Variants in XRCC4 observed in about 807,000 individuals in gnomAD.
The protein encoded by XRCC4 is DNA repair protein XRCC4.
XRCC4 carries 28 observed loss-of-function variants against 39.1 expected under a neutral mutation model. That is an observed-to-expected ratio of 0.72 (90% CI 0.53 to 0.98). The LOEUF is 0.98. Among genes scored for constraint, XRCC4 ranks in the 50% least tolerant of loss-of-function variants. The pLI is 0.00. For synonymous variants in XRCC4, 123 were observed against 126.4 expected (o/e 0.97, Z 0.18); for missense variants, 350 against 376.4 (o/e 0.93, Z 0.58).
intron 7 of XRCC4, among the ~76,000 whole-genome samples, chr5:83,266,735 CTT>C (rs1212393830): frequency 1.3e-5 from 2 of 152,018 alleles, no homozygotes; most frequent in South Asian, 2.1e-4. Context: ...ATTTCTAAAA[CTT>C]ATTTCTCTAG....
At chr5:83,149,433 A>G (rs1470980588) in intron 3 of XRCC4, among the ~76,000 whole-genome samples, 5 of 151,826 alleles carry the variant, frequency 3.3e-5, no homozygotes, top group Admixed American at 3.3e-4. Flanking sequence ...GTAATATGCT[A>G]TACTTTAATA....
At chr5:83,276,968 C>T (rs1353734021) in intron 7 of XRCC4, among the ~76,000 whole-genome samples, 6 of 151,952 alleles carry the variant, frequency 3.9e-5, no homozygotes, top group African/African-American at 1.5e-4. Context: ...GGATGTAACC[C>T]ATCATAAGTG....
chr5:83,244,707 G>T (rs1475460050), intron 6 of XRCC4, among the ~76,000 whole-genome samples: 1 of 152,048 alleles, frequency 6.6e-6, no homozygotes, highest in East Asian at 1.9e-4. Context: ...GTCTGCCTGG[G>T]CTCCACCTAC....
At chr5:83,159,558 G>A (rs1007992889) in intron 3 of XRCC4, among the ~76,000 whole-genome samples, 11 of 152,134 alleles carry the variant, frequency 7.2e-5, no homozygotes, top group African/African-American at 2.4e-4. Context: ...TTGTTCTGAT[G>A]ATAGGTGAAA....
At chr5:83,092,052 C>T (rs1745452972) in intron 1 of XRCC4, among the ~76,000 whole-genome samples, 1 of 152,048 alleles carries the variant, frequency 6.6e-6, no homozygotes, top group South Asian at 2.1e-4. Flanking sequence ...TGGCCATTCT[C>T]ACAGATAGGA....
chr5:83,263,952 T>A (rs111501733), intron 7 of XRCC4, among the ~76,000 whole-genome samples: 8,581 of 151,884 alleles, frequency 0.056, 737 homozygotes, highest in African/African-American at 0.19. Context: ...ATGCCTAGGT[T>A]TTCTTCTAGG....
intron 7 of XRCC4, among the ~76,000 whole-genome samples, chr5:83,334,374 A>G (rs1358520881): frequency 6.6e-6 from 1 of 152,142 alleles, no homozygotes; most frequent in Non-Finnish European, 1.5e-5. Context: ...CCTTAAGAAC[A>G]TTACCTAGAA....
intron 2 of XRCC4, among the ~76,000 whole-genome samples, chr5:83,110,675 A>G (rs945007495): frequency 2.6e-5 from 4 of 152,094 alleles, no homozygotes; most frequent in Non-Finnish European, 5.9e-5. Context: ...AGATGTTATA[A>G]AATACTGAAC....
intron 1 of XRCC4, among the ~76,000 whole-genome samples, chr5:83,093,217 A>T (rs1745512458): frequency 1.3e-5 from 2 of 152,194 alleles, no homozygotes; most frequent in African/African-American, 4.8e-5. Context: ...AAAGAAGAAA[A>T]TGAAGGCATT....
chr5:83,281,636 C>G (rs750138351), intron 7 of XRCC4, among the ~76,000 whole-genome samples: 1 of 152,040 alleles, frequency 6.6e-6, no homozygotes, highest in Non-Finnish European at 1.5e-5. Context: ...TGGACATTCA[C>G]TCTTAAATTT....
At chr5:83,101,131 T>G (rs1745915764) in intron 1 of XRCC4, among the ~76,000 whole-genome samples, 1 of 152,240 alleles carries the variant, frequency 6.6e-6, no homozygotes, top group Admixed American at 6.5e-5. Context: ...GAGAGATTCA[T>G]GCTATGTGAT....
intron 6 of XRCC4, among the ~76,000 whole-genome samples, chr5:83,210,645 A>G (rs1329125303): frequency 1.3e-5 from 2 of 149,896 alleles, no homozygotes. Context: ...CACTGATACA[A>G]GAGAATAATG....
chr5:83,304,176 C>CTT (rs753535950), intron 7 of XRCC4, among the ~76,000 whole-genome samples: 88 of 128,348 alleles, frequency 6.9e-4, no homozygotes, highest in African/African-American at 1.1e-3. Context: ...TGTTAAACAA[C>CTT]TTTTTTTTTT....
intron 6 of XRCC4, among the ~76,000 whole-genome samples, chr5:83,238,989 A>T (rs1271109798): frequency 6.6e-6 from 1 of 152,264 alleles, no homozygotes; most frequent in Non-Finnish European, 1.5e-5. Context: ...TCCTGTTCAC[A>T]CTAGACTGTG....
intron 1 of XRCC4, among the ~76,000 whole-genome samples, chr5:83,088,294 G>C (rs940018792): frequency 6.6e-6 from 1 of 151,730 alleles, no homozygotes; most frequent in Non-Finnish European, 1.5e-5. Context: ...AATTTATATA[G>C]AACTCTGTAT....
At chr5:83,343,070 C>CTTT (rs57984474) in intron 7 of XRCC4, among the ~76,000 whole-genome samples, 12,274 of 145,668 alleles carry the variant, frequency 0.084, 1,154 homozygotes, top group East Asian at 0.48. Flanking sequence ...AAATATTTGA[C>CTTT]TTTTTTTTTT....
chr5:83,125,986 C>CAA (rs35711158), intron 3 of XRCC4, among the ~76,000 whole-genome samples: 11 of 108,374 alleles, frequency 1.0e-4, no homozygotes, highest in Admixed American at 2.0e-4. Context: ...TCCATCTCAT[C>CAA]AAAAAAAAAA....
chr5:83,078,125 C>A (rs1408828638), intron 1 of XRCC4, among the ~76,000 whole-genome samples: 1 of 152,168 alleles, frequency 6.6e-6, no homozygotes, highest in Non-Finnish European at 1.5e-5. Context: ...CGGACTGCAG[C>A]GATTGATTAG....
intron 7 of XRCC4, among the ~76,000 whole-genome samples, chr5:83,327,215 C>T (rs1429019721): frequency 6.6e-6 from 1 of 152,016 alleles, no homozygotes; most frequent in East Asian, 1.9e-4. Flanking sequence ...TTCCCCACAC[C>T]CAGCCCTGGC....
Sources: allele counts gnomAD v4.1 joint callset (sites outside exome capture counted in the v4.1 genomes callset), GRCh38; gene constraint gnomAD v4.1.1; transcripts MANE v1.5; gene names NCBI Gene and HGNC (gene_info 2026-07-23, HGNC 2026-07-21).